Variants in RBFOX1 observed in about 807,000 individuals in gnomAD.
RBFOX1 encodes the protein RNA binding protein fox-1 homolog 1.
RBFOX1 carries 8 observed loss-of-function variants against 57.7 expected under a neutral mutation model. That is an observed-to-expected ratio of 0.14 (90% CI 0.08 to 0.25). RBFOX1 has a LOEUF of 0.25. Ranked by LOEUF, RBFOX1 falls within the 10% of genes least tolerant of loss-of-function variation. The pLI is 1.00. For synonymous variants in RBFOX1, 326 were observed against 222.4 expected, an observed-to-expected ratio of 1.47 and a Z score of -4.15; for missense variants, 611 against 548.5, an observed-to-expected ratio of 1.11 and a Z score of -1.14.
At chr16:6,432,088 A>G (rs899044718) in intron 2 of RBFOX1, among the ~76,000 whole-genome samples, 24 of 152,100 alleles carry the variant, frequency 1.6e-4, no homozygotes, top group African/African-American at 4.8e-4. Context: ...CAGCCTCCCA[A>G]GAAGATGAGA....
At chr16:5,960,602 C>T (rs2059728419) in intron 4 of RBFOX1, among the ~76,000 whole-genome samples, 1 of 152,042 alleles carries the variant, frequency 6.6e-6, no homozygotes, top group South Asian at 2.1e-4. Context: ...AGATTCATGC[C>T]GTTCACAGAG....
At chr16:7,709,451 T>C (rs1299647913) in intron 15 of RBFOX1, 16 of 1,404,758 alleles carry the variant, frequency 1.1e-5, no homozygotes, top group Non-Finnish European at 1.5e-5. Context: ...GCAGAACTTT[T>C]TTTTTTCTTT....
chr16:6,335,546 G>T (rs1288702058), intron 2 of RBFOX1, among the ~76,000 whole-genome samples: 2 of 152,120 alleles, frequency 1.3e-5, no homozygotes, highest in Admixed American at 1.3e-4. Context: ...TTGGGAGGCC[G>T]AGGCTGGTGG....
At chr16:7,390,946 C>A (rs569055326) in intron 4 of RBFOX1, among the ~76,000 whole-genome samples, 46 of 152,014 alleles carry the variant, frequency 3.0e-4, no homozygotes, top group African/African-American at 1.1e-3. Context: ...TTTTTACTGC[C>A]TGTTTTGCTT....
chr16:6,478,051 G>A (rs1225799114), intron 2 of RBFOX1, among the ~76,000 whole-genome samples: 1 of 151,964 alleles, frequency 6.6e-6, no homozygotes, highest in African/African-American at 2.4e-5. Context: ...AGAATGTTGT[G>A]GCTGGTTTGA....
chr16:6,057,871 G>A (rs2095634553), intron 1 of RBFOX1, among the ~76,000 whole-genome samples: 1 of 111,148 alleles, frequency 9.0e-6, no homozygotes, highest in South Asian at 2.8e-4. Flanking sequence ...ACTTTGTTCA[G>A]GTTACCAGAA....
intron 4 of RBFOX1, among the ~76,000 whole-genome samples, chr16:7,328,043 C>T (rs2096634705): frequency 6.6e-6 from 1 of 152,182 alleles, no homozygotes; most frequent in Non-Finnish European, 1.5e-5. Context: ...GGCTACCACT[C>T]AGAAGGGCCA....
intron 3 of RBFOX1, among the ~76,000 whole-genome samples, chr16:6,798,485 T>C (rs1004418996): frequency 2.0e-5 from 3 of 152,074 alleles, no homozygotes; most frequent in Non-Finnish European, 4.4e-5. Flanking sequence ...AGCTGAAACA[T>C]TGCCTAATTC....
At position 6,777,364 on chromosome 16, in the gene RBFOX1, G is replaced by C. The variant is rs551254110; in HGVS notation, c.-16+122714G>C. ...GATGATGTTTAAGTTAACTCTATTT[G>C]TGTGTCCCTGAGAAAGAGAACCGAG... On this transcript the variant is annotated intron_variant, in intron 3 of 15. Coordinates refer to ENST00000550418, the MANE Select transcript of RBFOX1 (RefSeq NM_018723.4). Among the ~76,000 whole-genome samples, 7 of 152,192 alleles carry C rather than the reference G, an allele frequency of 4.6e-5. 1 individual carries two copies. The South Asian group carries it at 1.5e-3, about 32-fold the overall frequency.
chr16:7,344,731 C>G (rs929369154), intron 4 of RBFOX1, among the ~76,000 whole-genome samples: 4 of 152,126 alleles, frequency 2.6e-5, no homozygotes, highest in Non-Finnish European at 5.9e-5. Flanking sequence ...GAACAATTTG[C>G]CCTCATTCTT....
At chr16:5,784,527 G>C (rs1478299734) in intron 3 of RBFOX1, among the ~76,000 whole-genome samples, 1 of 152,096 alleles carries the variant, frequency 6.6e-6, no homozygotes, top group African/African-American at 2.4e-5. Context: ...ACCATCTCTT[G>C]TAATAACTCA....
chr16:6,047,558 G>A (rs2095508056), intron 1 of RBFOX1, among the ~76,000 whole-genome samples: 1 of 152,202 alleles, frequency 6.6e-6, no homozygotes, highest in Non-Finnish European at 1.5e-5. Flanking sequence ...GGCAGAGCCA[G>A]CAGGGAATGG....
At chr16:6,889,064 C>A (rs987859312) in intron 3 of RBFOX1, among the ~76,000 whole-genome samples, 2 of 152,084 alleles carry the variant, frequency 1.3e-5, no homozygotes, top group Non-Finnish European at 2.9e-5. Flanking sequence ...TATTTTTTCC[C>A]TTATAGACAC....
chr16:7,032,759 C>T (rs1469940053), intron 3 of RBFOX1, among the ~76,000 whole-genome samples: 3 of 152,060 alleles, frequency 2.0e-5, no homozygotes, highest in East Asian at 3.8e-4. Context: ...GGCAAATTTT[C>T]CTTTTACCCT....
chr16:6,909,756 T>C (rs1239780316), intron 3 of RBFOX1, among the ~76,000 whole-genome samples: 1 of 152,116 alleles, frequency 6.6e-6, no homozygotes, highest in Admixed American at 6.5e-5. Flanking sequence ...TTTTTTGGTG[T>C]TATTTTCTCC....
chr16:7,412,288 G>C (rs562085543), intron 4 of RBFOX1, among the ~76,000 whole-genome samples: 2 of 151,958 alleles, frequency 1.3e-5, no homozygotes, highest in Admixed American at 6.6e-5. Context: ...GGTGGCGTGT[G>C]CCTGTAATCT....
intron 3 of RBFOX1, among the ~76,000 whole-genome samples, chr16:5,676,667 C>A (rs759107537): frequency 6.6e-6 from 1 of 152,148 alleles, no homozygotes; most frequent in Non-Finnish European, 1.5e-5. Flanking sequence ...CTGAGGCCAG[C>A]CTGGCCAATG....
intron 1 of RBFOX1, among the ~76,000 whole-genome samples, chr16:5,436,114 C>T (rs984772026): frequency 6.6e-5 from 10 of 152,172 alleles, no homozygotes; most frequent in African/African-American, 2.4e-4. Context: ...AGGGGGCAGT[C>T]CTAGAGTCAT....
At chr16:6,532,009 G>A (rs548517607) in intron 2 of RBFOX1, among the ~76,000 whole-genome samples, 1 of 152,176 alleles carries the variant, frequency 6.6e-6, no homozygotes, top group Admixed American at 6.6e-5. Flanking sequence ...CCAAGCCACT[G>A]TGAGGTCTCC....
Sources: allele counts gnomAD v4.1 joint callset (sites outside exome capture counted in the v4.1 genomes callset), GRCh38; gene constraint gnomAD v4.1.1; transcripts MANE v1.5; gene names NCBI Gene and HGNC (gene_info 2026-07-23, HGNC 2026-07-21).